The following THSD7B variants were observed in gnomAD, a reference collection of about 807,000 sequenced individuals.
THSD7B encodes the protein thrombospondin type 1 domain containing 7B.
A neutral mutation model predicts 213.6 loss-of-function variants in THSD7B; 138 were observed. That is an observed-to-expected ratio of 0.65 (90% CI 0.56 to 0.74). The LOEUF is 0.74. THSD7B is among the 30% of genes least tolerant of loss of function. The pLI is 0.00. For missense variants in THSD7B, 1,931 were observed against 1,991.5 expected, an observed-to-expected ratio of 0.97 and a Z score of 0.58; for synonymous variants, 742 against 687.0, an observed-to-expected ratio of 1.08 and a Z score of -1.25.
At chr2:136,894,123 T>C (rs1683910594) in intron 2 of THSD7B, among the ~76,000 whole-genome samples, 1 of 152,238 alleles carries the variant, frequency 6.6e-6, no homozygotes, top group South Asian at 2.1e-4. Context: ...ATGAATACAC[T>C]TCACTACAAA....
chr2:137,605,648 C>CTTTTTTTTTT lies in THSD7B; in HGVS notation c.3424-10497_3424-10488dup, dbSNP rs34604281. ...AAAAAGCATATATTGGCACTTCGCA[C>CTTTTTTTTTT]TTTTTTTTTTTTTTTTTTTTTTTTT... On this transcript the variant is annotated intron_variant, in intron 17 of 27. Transcript: ENST00000409968. 5.7e-4 allele frequency among the ~76,000 whole-genome samples: 39 copies of CTTTTTTTTTT among 69,012 alleles called. 8 individuals are homozygous for CTTTTTTTTTT. The highest frequency in any genetic ancestry group is 3.1e-3 in the East Asian group (5 of 1,610). 45.3% of individuals were successfully genotyped at this position (69,012 alleles called of 152,430 possible). A position where few individuals can be genotyped will look rare whatever the true frequency, so the allele number is the denominator to read the frequency against.
At chr2:136,975,961 G>A (rs1685473068) in intron 2 of THSD7B, among the ~76,000 whole-genome samples, 1 of 152,152 alleles carries the variant, frequency 6.6e-6, no homozygotes, top group Non-Finnish European at 1.5e-5. Context: ...GTGAATGGGA[G>A]TTCATTCATG....
At chr2:137,607,639 C>T (rs1682208621) in intron 17 of THSD7B, among the ~76,000 whole-genome samples, 1 of 152,166 alleles carries the variant, frequency 6.6e-6, no homozygotes, top group African/African-American at 2.4e-5. Context: ...TTCTTCCTCT[C>T]TCAATGCCAA....
At chr2:137,544,290 G>C (rs1001744369) in intron 15 of THSD7B, among the ~76,000 whole-genome samples, 6 of 151,688 alleles carry the variant, frequency 4.0e-5, no homozygotes. Flanking sequence ...AATGAAATAT[G>C]TGTTCATGGA....
intron 15 of THSD7B, among the ~76,000 whole-genome samples, chr2:137,515,567 T>C (rs1223847211): frequency 1.3e-5 from 2 of 152,120 alleles, no homozygotes; most frequent in Non-Finnish European, 2.9e-5. Context: ...AGCAGAAATC[T>C]GGAGAACAGG....
chr2:136,890,820 C>T (rs1396642291), intron 2 of THSD7B, among the ~76,000 whole-genome samples: 1 of 151,492 alleles, frequency 6.6e-6, no homozygotes, highest in African/African-American at 2.4e-5. Context: ...GGATTATAGG[C>T]GTGAGCTACC....
intron 12 of THSD7B, among the ~76,000 whole-genome samples, chr2:137,325,072 G>T (rs1374480658): frequency 1.3e-5 from 2 of 152,196 alleles, no homozygotes; most frequent in East Asian, 1.9e-4. Context: ...TCGAGATGTT[G>T]TTGCTATAGA....
intron 12 of THSD7B, among the ~76,000 whole-genome samples, chr2:137,302,382 G>C (rs1683628210): frequency 6.6e-6 from 1 of 152,128 alleles, no homozygotes. Context: ...TTCCAGGAGG[G>C]AAAGAGAATG....
At chr2:137,043,143 G>A (rs538161445) in intron 2 of THSD7B, among the ~76,000 whole-genome samples, 3 of 152,208 alleles carry the variant, frequency 2.0e-5, no homozygotes, top group Admixed American at 6.5e-5. Flanking sequence ...GATTATTATA[G>A]TGGGTATTCC....
chr2:136,918,516 T>G lies in THSD7B; in HGVS notation c.139+36199T>G, dbSNP rs115560768. Reference sequence around the variant, plus strand: ...TGTCCTTCTTATTTTTCCTGATGCATGTAATGAAGATGTTGGTGTAGGCTG... The same window carrying G: ...TGTCCTTCTTATTTTTCCTGATGCAGGTAATGAAGATGTTGGTGTAGGCTG... On this transcript the variant is annotated intron_variant, in intron 2 of 27. Coordinates refer to ENST00000409968, the MANE Select transcript of THSD7B (RefSeq NM_001316349.2). 8.0e-3 allele frequency among the ~76,000 whole-genome samples: 1,213 copies of G among 152,312 alleles called. 16 individuals carry two copies. Among genetic ancestry groups the G allele is most frequent in the African/African-American group, 0.027 (1,108 of 41,572 alleles).
chr2:137,506,943 AG>A (rs1679850763), intron 15 of THSD7B, among the ~76,000 whole-genome samples: 1 of 152,236 alleles, frequency 6.6e-6, no homozygotes, highest in Non-Finnish European at 1.5e-5. Context: ...GAGGTTTGAA[AG>A]AACTAACAAT....
chr2:137,026,755 G>A (rs2104848115), intron 2 of THSD7B, among the ~76,000 whole-genome samples: 1 of 152,174 alleles, frequency 6.6e-6, no homozygotes, highest in African/African-American at 2.4e-5. Context: ...TTTTAGCCAA[G>A]TCTATTTGTT....
At chr2:136,901,819 C>T (rs901526981) in intron 2 of THSD7B, among the ~76,000 whole-genome samples, 4 of 152,128 alleles carry the variant, frequency 2.6e-5, no homozygotes, top group Non-Finnish European at 4.4e-5. Flanking sequence ...TTAAAGCCAG[C>T]GATGCATTAA....
chr2:136,998,728 G>A (rs1685942037), intron 2 of THSD7B, among the ~76,000 whole-genome samples: 1 of 152,122 alleles, frequency 6.6e-6, no homozygotes, highest in Admixed American at 6.5e-5. Flanking sequence ...GCTGCTGGTG[G>A]TTTCTTTCTG....
intron 7 of THSD7B, among the ~76,000 whole-genome samples, chr2:137,221,764 G>A (rs946445708): frequency 2.0e-5 from 3 of 152,060 alleles, no homozygotes; most frequent in Non-Finnish European, 4.4e-5. Flanking sequence ...TGTTTCTGAA[G>A]GTTAATTACA....
intron 12 of THSD7B, among the ~76,000 whole-genome samples, chr2:137,404,036 G>C (rs767684293): frequency 1.3e-5 from 2 of 152,146 alleles, no homozygotes; most frequent in East Asian, 3.9e-4. Flanking sequence ...GAGTGAAAAA[G>C]ATGAACCAAA....
chr2:137,414,492 G>C (rs1686748633), intron 14 of THSD7B, among the ~76,000 whole-genome samples: 1 of 152,098 alleles, frequency 6.6e-6, no homozygotes, highest in Non-Finnish European at 1.5e-5. Context: ...GCATAGGTGG[G>C]AGGATCGCTT....
At chr2:136,773,773 C>T (rs965629510) in intron 1 of THSD7B, among the ~76,000 whole-genome samples, 1 of 151,936 alleles carries the variant, frequency 6.6e-6, no homozygotes, top group African/African-American at 2.4e-5. Context: ...TTTAACGGTA[C>T]ATACCAGACT....
At chr2:137,599,586 C>G (rs1682036572) in intron 17 of THSD7B, among the ~76,000 whole-genome samples, 1 of 151,570 alleles carries the variant, frequency 6.6e-6, no homozygotes, top group Non-Finnish European at 1.5e-5. Flanking sequence ...GGCGATTCCT[C>G]AGGGATCTAG....
Sources: gnomAD v4.1 joint callset for allele counts (sites outside exome capture counted in the v4.1 genomes callset) on GRCh38, gnomAD v4.1.1 for gene constraint, MANE v1.5 for transcripts, NCBI Gene and HGNC (gene_info 2026-07-23, HGNC 2026-07-21) for gene names.